KIFC1: variants seen among roughly 807,000 people sequenced by gnomAD.
The protein encoded by KIFC1 is kinesin family member C1.
A neutral mutation model predicts 66.6 loss-of-function variants in KIFC1; 37 were observed. That is an observed-to-expected ratio of 0.56 (90% CI 0.43 to 0.73). KIFC1 has a LOEUF of 0.73. KIFC1 is among the 30% of genes least tolerant of loss of function. KIFC1 has a pLI of 0.00. For synonymous variants in KIFC1, 325 were observed against 343.5 expected (o/e 0.95, Z 0.60); for missense variants, 721 against 859.8 (o/e 0.84, Z 2.02).
chr6:33,405,500 G>C lies in KIFC1; in HGVS notation c.1405G>C (p.Val469Leu), dbSNP rs766981533. 9 of 1,612,844 alleles carry C rather than the reference G, an allele frequency of 5.6e-6. No homozygotes were observed. The South Asian group carries it at 8.8e-5, about 16-fold the overall frequency. Residue 469 changes from valine (V) to leucine (L), a missense_variant, in exon 7 of 11, where the codon GTC becomes CTC. By Grantham distance (32) the Val-to-Leu change is conservative (BLOSUM62 1). Coordinates refer to ENST00000428849, the MANE Select transcript of KIFC1 (RefSeq NM_002263.4). The surrounding 1 kb of genome is among the most constrained non-coding windows in gnomAD (Gnocchi z 5.4). ...ASYVEIYNET[V>L]RDLLATGTRK... is the part of the protein sequence containing the mutation. ...CTACGTAGAGATCTACAATGAGACT[G>C]TCCGGGACCTGCTGGCCACTGGAAC...
intron 1 of KIFC1, among the ~76,000 whole-genome samples, chr6:33,392,903 G>A (rs1774859723): frequency 6.6e-6 from 1 of 152,210 alleles, no homozygotes; most frequent in Non-Finnish European, 1.5e-5. Context: ...GGATGCAGCA[G>A]TGAACAAGGG....
At position 33,405,775 on chromosome 6, in the gene KIFC1, C is replaced by A; in HGVS notation, c.1536+144C>A. 2.3e-6 allele frequency: 2 copies of A among 881,652 alleles called. No individual in the cohort carries two copies. Among genetic ancestry groups the A allele is most frequent in the South Asian group, 2.3e-5 (1 of 42,660 alleles). 54.6% of individuals were successfully genotyped at this position (881,652 alleles called of 1,614,324 possible). A position where few individuals can be genotyped will look rare whatever the true frequency, so the allele number is the denominator to read the frequency against. On this transcript the variant is annotated intron_variant, in intron 7 of 10. Coordinates refer to ENST00000428849, the MANE Select transcript of KIFC1 (RefSeq NM_002263.4). This position sits in a 1 kb window ranked among gnomAD's most constrained non-coding sequence, Gnocchi z 5.4. ...GCTGGGTTACCACATCCGGTTTTGGCCTGTGGGCTGTCGGTAGATCTGCCT... is the reference window on the plus strand; with the variant it reads ...GCTGGGTTACCACATCCGGTTTTGGACTGTGGGCTGTCGGTAGATCTGCCT...
At position 33,404,770 on chromosome 6, in the gene KIFC1, A is replaced by G; in HGVS notation, c.757-82A>G. 1 of 1,353,442 alleles carries G rather than the reference A, an allele frequency of 7.4e-7. No homozygotes were observed. The highest frequency in any genetic ancestry group is 1.4e-5 in the South Asian group (1 of 72,082). The allele number at this position is 1,353,442 out of a possible 1,614,324, so 83.8% of individuals were successfully genotyped here. A position where few individuals can be genotyped will look rare whatever the true frequency, so the allele number is the denominator to read the frequency against. Reference sequence around the variant, plus strand: ...CCTTTTGAGCAGGGACCTCACTTCCACCCACTCCATACGCCCCACAGTTTG... The same window carrying G: ...CCTTTTGAGCAGGGACCTCACTTCCGCCCACTCCATACGCCCCACAGTTTG... On this transcript the variant is annotated intron_variant, in intron 6 of 10. Coordinates refer to ENST00000428849, the MANE Select transcript of KIFC1 (RefSeq NM_002263.4). The surrounding 1 kb of genome is among the most constrained non-coding windows in gnomAD (Gnocchi z 4.0).
chr6:33,392,081 G>C, intron 1 of KIFC1, 84 bp downstream of exon 1: 2 of 1,500,258 alleles, frequency 1.3e-6, no homozygotes, highest in Non-Finnish European at 9.2e-7. Context: ...CCCGGCTCCC[G>C]GTCGGCCTTT....
Position 33,405,029 on chromosome 6 carries a change from C to G in KIFC1, c.934C>G (p.Arg312Gly). ...NQLQELKGNI[R>G]VFCRVRPVLP... ...GCTGCAGGAACTCAAGGGCAACATCCGTGTATTCTGCCGGGTCCGCCCTGT... is the reference window on the plus strand; with the variant it reads ...GCTGCAGGAACTCAAGGGCAACATCGGTGTATTCTGCCGGGTCCGCCCTGT... Residue 312 changes from arginine to glycine, a missense_variant, in exon 7 of 11, where the codon CGT becomes GGT. Arg to Gly is a moderately radical substitution (Grantham distance 125). Coordinates refer to ENST00000428849, the MANE Select transcript of KIFC1 (RefSeq NM_002263.4). This position sits in a 1 kb window ranked among gnomAD's most constrained non-coding sequence, Gnocchi z 5.4. The G allele has an allele frequency of 6.2e-7, 1 of 1,614,144 alleles. No homozygotes were observed. Among genetic ancestry groups the G allele is most frequent in the Non-Finnish European group, 8.5e-7 (1 of 1,180,016 alleles).
chr6:33,398,417 G>A (rs1457216880), intron 3 of KIFC1, 30 bp downstream of exon 3: 8 of 1,455,152 alleles, frequency 5.5e-6, no homozygotes, highest in Non-Finnish European at 5.8e-6. Flanking sequence ...AGACTCCAAG[G>A]ACATGGAAGT....
At chr6:33,396,198 T>C (rs1775025661) in intron 1 of KIFC1, among the ~76,000 whole-genome samples, 2 of 152,184 alleles carry the variant, frequency 1.3e-5, no homozygotes, top group Non-Finnish European at 2.9e-5. Context: ...CACGGGTAGC[T>C]CAAACTCACT....
At position 33,404,592 on chromosome 6, in the gene KIFC1, C is replaced by T. The variant is rs760019695; in HGVS notation, c.757-260C>T. Among the ~76,000 whole-genome samples the T allele has an allele frequency of 6.6e-6, 1 of 152,138 alleles. No homozygotes were observed. The highest frequency in any genetic ancestry group is 1.5e-5 in the Non-Finnish European group (1 of 68,018). On this transcript the variant is annotated intron_variant, in intron 6 of 10. Coordinates refer to ENST00000428849, the MANE Select transcript of KIFC1 (RefSeq NM_002263.4). The surrounding 1 kb of genome is among the most constrained non-coding windows in gnomAD (Gnocchi z 4.0). The stretch of plus-strand genomic sequence containing the variant: ...CTGGAATGTTCTTTGTATACTACAT[C>T]CTTCCTTGGTTCACTCCTGTACTTC...
At position 33,401,426 on chromosome 6, in the gene KIFC1, G is replaced by A. The variant is rs568922697; in HGVS notation, c.251-1888G>A. 1.2e-4 allele frequency among the ~76,000 whole-genome samples: 19 copies of A among 152,028 alleles called. No homozygotes were observed. Among genetic ancestry groups the A allele is most frequent in the East Asian group, 1.9e-4 (1 of 5,184 alleles). On this transcript the variant is annotated intron_variant, in intron 3 of 10. Coordinates refer to ENST00000428849, the MANE Select transcript of KIFC1 (RefSeq NM_002263.4). This position sits in a 1 kb window ranked among gnomAD's most constrained non-coding sequence, Gnocchi z 4.5. ...TGGGATTACAGACATGAGTTACTGC[G>A]CCCCGCCTGAAATTCTTTTTTTAAT...
chr6:33,403,817 A>G lies in KIFC1; in HGVS notation c.444A>G (p.Ala148=). 1.2e-6 allele frequency: 2 copies of G among 1,614,248 alleles called. No homozygotes were observed. The change falls in exon 6 of 11, where the codon GCA becomes GCG. Residue 148 remains alanine, a synonymous_variant. Transcript: ENST00000428849. The surrounding 1 kb of genome is among the most constrained non-coding windows in gnomAD (Gnocchi z 4.6). ...AGGGTCAGTTATGTGACCTAAATGC[A>G]GAACTAAAACGGTGCCGTGAGAGGA... ...DLKGQLCDLN[A]ELKRCRERTQ... is the part of the protein sequence containing the mutation.
At position 33,398,117 on chromosome 6, in the gene KIFC1, G is replaced by C; in HGVS notation, c.101G>C (p.Arg34Thr). Residue 34 changes from arginine to threonine, a missense_variant, in exon 2 of 11, where the codon AGA becomes ACA. Coordinates refer to ENST00000428849, the MANE Select transcript of KIFC1 (RefSeq NM_002263.4). ...APSQLPLSGSRLKRRPDQMED... is the reference protein window; with the variant it reads ...APSQLPLSGSTLKRRPDQMED... Reference sequence around the variant, plus strand: ...TCCCAGCTGCCTCTCTCAGGAAGCAGACTCAAGAGGAGGCCTGACCAGATG... The same window carrying C: ...TCCCAGCTGCCTCTCTCAGGAAGCACACTCAAGAGGAGGCCTGACCAGATG... 1 of 1,614,180 alleles carries C rather than the reference G, an allele frequency of 6.2e-7. No individual in the cohort carries two copies. The highest frequency in any genetic ancestry group is 8.5e-7 in the Non-Finnish European group (1 of 1,180,036).
At position 33,398,282 on chromosome 6, in the gene KIFC1, C is replaced by G. The variant is rs773921641; in HGVS notation, c.151-6C>G. 2 of 1,613,714 alleles carry G rather than the reference C, an allele frequency of 1.2e-6. No homozygotes were observed. Among genetic ancestry groups the G allele is most frequent in the Admixed American group, 1.7e-5 (1 of 59,962 alleles). On this transcript the variant is annotated splice_region_variant and splice_polypyrimidine_tract_variant and intron_variant, in intron 2 of 10. Transcript: ENST00000428849. ...GACTATGGACCTTGTCTTTATCTTT[C>G]CCCAGAAACGGACAAGAGGCCTGGG...
rs113366101 is a variant in KIFC1, at chr6:33,404,926, G to C, written c.831G>C (p.Val277=). The C allele has an allele frequency of 2.5e-6, 4 of 1,614,114 alleles. No individual in the cohort carries two copies. The African/African-American group carries it at 5.3e-5, about 22-fold the overall frequency. The change falls in exon 7 of 11, where the codon GTG becomes GTC. Residue 277 remains valine, a synonymous_variant. Coordinates refer to ENST00000428849, the MANE Select transcript of KIFC1 (RefSeq NM_002263.4). This position sits in a 1 kb window ranked among gnomAD's most constrained non-coding sequence, Gnocchi z 4.0. ...TGGCATCTCTGCGGCAGGAGACTGTGGCCCAGGCAGCCTTACTGACTGAGC... is the reference window on the plus strand; with the variant it reads ...TGGCATCTCTGCGGCAGGAGACTGTCGCCCAGGCAGCCTTACTGACTGAGC... ...AEVASLRQET[V]AQAALLTERE...
Position 33,403,352 on chromosome 6 carries a change from A to T in KIFC1, c.289A>T (p.Thr97Ser). Residue 97 changes from threonine (T) to serine (S), a missense_variant, in exon 4 of 11, where the codon ACA (threonine) becomes TCA (serine). Physicochemically the swap from Thr to Ser is moderately conservative, Grantham distance 58. Coordinates refer to ENST00000428849, the MANE Select transcript of KIFC1 (RefSeq NM_002263.4). This position sits in a 1 kb window ranked among gnomAD's most constrained non-coding sequence, Gnocchi z 4.6. ...CAAGAAGACAGGACCCCGGTGTTCC[A>T]CAGCTATTGCCACAGGTAACTGTGC... ...VSKKTGPRCS[T>S]AIATGLKNQK... 6.2e-7 allele frequency: 1 copy of T among 1,614,040 alleles called. No individual in the cohort carries two copies. Among genetic ancestry groups the T allele is most frequent in the Non-Finnish European group, 8.5e-7 (1 of 1,179,998 alleles).
chr6:33,403,721 C>T lies in KIFC1; in HGVS notation c.356-8C>T, dbSNP rs1775492105. The T allele has an allele frequency of 1.2e-6, 2 of 1,608,858 alleles. No homozygotes were observed. The highest frequency in any genetic ancestry group is 1.7e-5 in the Admixed American group (1 of 59,616). ...CACTGACCTTTGTCCTTTCTGTGTT[C>T]ATCTTAGCATCAGGTGTTCCTCCCA... On this transcript the variant is annotated splice_polypyrimidine_tract_variant and splice_region_variant and intron_variant, in intron 5 of 10. Transcript: ENST00000428849. The surrounding 1 kb of genome is among the most constrained non-coding windows in gnomAD (Gnocchi z 4.6).
rs1370350497 is a variant in KIFC1 at position 33,406,902 on chromosome 6, C to G, written c.1977+27C>G. On this transcript the variant is annotated intron_variant, in intron 10 of 10. Coordinates refer to ENST00000428849, the MANE Select transcript of KIFC1 (RefSeq NM_002263.4). The surrounding 1 kb of genome is among the most constrained non-coding windows in gnomAD (Gnocchi z 4.5). ...TGCGATTACCACCCGTCAGCCTTGTCAGGACCCGTGGGTGGTTGTAGGCTT... is the reference window on the plus strand; with the variant it reads ...TGCGATTACCACCCGTCAGCCTTGTGAGGACCCGTGGGTGGTTGTAGGCTT... 5 of 1,613,998 alleles carry G rather than the reference C, an allele frequency of 3.1e-6. No homozygotes were observed. In the African/African-American group the frequency reaches 4.0e-5, roughly 13 times the overall value.
chr6:33,403,016 G>A lies in KIFC1; in HGVS notation c.251-298G>A, dbSNP rs1221788988. Among the ~76,000 whole-genome samples the A allele has an allele frequency of 6.6e-6, 1 of 152,060 alleles. No individual in the cohort carries two copies. Among genetic ancestry groups the A allele is most frequent in the Non-Finnish European group, 1.5e-5 (1 of 68,018 alleles). ...ATCAATAAATAAAGTATATGGGAGCGTGTGCATAGACTATATTTAATACTA... is the reference window on the plus strand; with the variant it reads ...ATCAATAAATAAAGTATATGGGAGCATGTGCATAGACTATATTTAATACTA... On this transcript the variant is annotated intron_variant, in intron 3 of 10. Transcript: ENST00000428849. This position sits in a 1 kb window ranked among gnomAD's most constrained non-coding sequence, Gnocchi z 4.6.
chr6:33,405,745 A>T lies in KIFC1; in HGVS notation c.1536+114A>T. Reference sequence around the variant, plus strand: ...AGAATTGAAGGATGAAGTGCAAGTTATCAGGCTGGGTTACCACATCCGGTT... The same window carrying T: ...AGAATTGAAGGATGAAGTGCAAGTTTTCAGGCTGGGTTACCACATCCGGTT... On this transcript the variant is annotated intron_variant, in intron 7 of 10. Transcript: ENST00000428849. This position sits in a 1 kb window ranked among gnomAD's most constrained non-coding sequence, Gnocchi z 5.4. 8.6e-7 allele frequency: 1 copy of T among 1,165,532 alleles called. No homozygotes were observed. The highest frequency in any genetic ancestry group is 1.2e-6 in the Non-Finnish European group (1 of 867,938). 72.2% of individuals were successfully genotyped at this position (1,165,532 alleles called of 1,614,324 possible).
Position 33,404,036 on chromosome 6 carries a change from C to T in KIFC1, c.663C>T (p.Ser221=), listed in dbSNP as rs758991726. The part of the protein sequence containing the change: ...ACVLELEERL[S]TQEGLVQELQ... ...TCCTGGAGCTGGAAGAGCGGCTGAG[C>T]ACGCAGGAGGGCTTGGTGCAAGAGC... The change falls in exon 6 of 11, where the codon AGC becomes AGT. Residue 221 remains serine (S), a synonymous_variant. Coordinates refer to ENST00000428849, the MANE Select transcript of KIFC1 (RefSeq NM_002263.4). This position sits in a 1 kb window ranked among gnomAD's most constrained non-coding sequence, Gnocchi z 4.0. The T allele has an allele frequency of 6.2e-7, 1 of 1,614,126 alleles. No individual in the cohort carries two copies. Among genetic ancestry groups the T allele is most frequent in the South Asian group, 1.1e-5 (1 of 91,088 alleles).
Sources: gnomAD v4.1 joint callset for allele counts (sites outside exome capture counted in the v4.1 genomes callset) on GRCh38, gnomAD v4.1.1 for gene constraint, Gnocchi (gnomAD v3.1) non-coding constraint, MANE v1.5 for transcripts, NCBI Gene and HGNC (gene_info 2026-07-23, HGNC 2026-07-21) for gene names.